Variants in SEMA3D observed in about 807,000 individuals in gnomAD.
The protein encoded by SEMA3D is semaphorin-3D.
A neutral mutation model predicts 100.1 loss-of-function variants in SEMA3D; 84 were observed. The ratio of observed to expected loss-of-function variants is 0.84; its 90% CI spans 0.70 to 1.01. The LOEUF is 1.01. SEMA3D is among the 50% of genes least tolerant of loss of function. The probability of loss-of-function intolerance (pLI) is 0.00; values close to 1 mark genes in which losing one functional copy is unlikely to be tolerated. For missense variants in SEMA3D, 875 were observed against 934.1 expected, an observed-to-expected ratio of 0.94 and a Z score of 0.82; for synonymous variants, 312 against 320.7, an observed-to-expected ratio of 0.97 and a Z score of 0.29.
intron 8 of SEMA3D, among the ~76,000 whole-genome samples, chr7:85,060,806 G>C (rs1400316667): frequency 6.6e-6 from 1 of 152,184 alleles, no homozygotes; most frequent in Non-Finnish European, 1.5e-5. Context: ...TGTGGAAGGA[G>C]AGTTTACAGA....
chr7:85,072,874 T>C (rs575831914), intron 6 of SEMA3D, 88 bp downstream of exon 6: 9 of 1,070,760 alleles, frequency 8.4e-6, no homozygotes, highest in African/African-American at 3.2e-5. Context: ...TCAGTCCTTA[T>C]ATTCAAATCT....
chr7:84,999,166 C>A lies in SEMA3D; in HGVS notation c.*274G>T. The A allele has an allele frequency of 7.0e-6, 3 of 427,518 alleles. No individual in the cohort carries two copies. Among genetic ancestry groups the A allele is most frequent in the South Asian group, 3.3e-5 (1 of 30,292 alleles). 26.5% of individuals were successfully genotyped at this position (427,518 alleles called of 1,614,324 possible). On this transcript the variant is annotated 3_prime_UTR_variant, in exon 19 of 19. Coordinates refer to ENST00000284136, the MANE Select transcript of SEMA3D (RefSeq NM_001384900.1). ...CAACTATTTACATGACAATAAATTC[C>A]AAAACTCAAAACATAAAACATTTAC...
chr7:85,185,530 G>T (rs1454431597), intron 1 of SEMA3D, among the ~76,000 whole-genome samples: 2 of 152,132 alleles, frequency 1.3e-5, no homozygotes, highest in Non-Finnish European at 2.9e-5. Flanking sequence ...TTACCGCTTC[G>T]CTCGAGGCGA....
the SEMA3D span, among the ~76,000 whole-genome samples, chr7:85,233,234 C>T: frequency 1.3e-5 from 2 of 149,238 alleles, no homozygotes; most frequent in South Asian, 4.2e-4. Flanking sequence ...CAACGGCTAG[C>T]GCGAATGAAA....
At position 85,121,467 on chromosome 7, in the gene SEMA3D, GA is replaced by G. The variant is rs1789411007; in HGVS notation, c.151+273del. Reference sequence around the variant, plus strand: ...TGTGTTAACATTTTTCTATTTTTAGGAATTTATTTGTTTTAACACCAAACTG... The same window carrying G: ...TGTGTTAACATTTTTCTATTTTTAGGATTTATTTGTTTTAACACCAAACTG... On this transcript the variant is annotated intron_variant, in intron 3 of 18. Coordinates refer to ENST00000284136, the MANE Select transcript of SEMA3D (RefSeq NM_001384900.1). 2.0e-5 allele frequency among the ~76,000 whole-genome samples: 3 copies of G among 152,116 alleles called. No individual in the cohort carries two copies. In the East Asian group the frequency reaches 5.8e-4, roughly 29 times the overall value.
chr7:85,131,748 A>G (rs1260880630), intron 2 of SEMA3D, among the ~76,000 whole-genome samples: 1 of 151,916 alleles, frequency 6.6e-6, no homozygotes, highest in Non-Finnish European at 1.5e-5. Context: ...CTTTGTATTG[A>G]ATCTTAACAG....
chr7:85,092,898 T>C (rs1186393838), intron 4 of SEMA3D, among the ~76,000 whole-genome samples: 1 of 151,968 alleles, frequency 6.6e-6, no homozygotes, highest in Non-Finnish European at 1.5e-5. Context: ...AGCAAAATAA[T>C]TATTTATGAG....
At chr7:85,147,170 T>A (rs755957404) in intron 2 of SEMA3D, among the ~76,000 whole-genome samples, 1 of 137,656 alleles carries the variant, frequency 7.3e-6, no homozygotes, top group African/African-American at 2.8e-5. Flanking sequence ...TGGCACAATC[T>A]TGGCTCACCG....
At chr7:85,191,339 A>T (rs1488138086), upstream of SEMA3D, among the ~76,000 whole-genome samples, 2 of 152,068 alleles carry the variant, frequency 1.3e-5, no homozygotes, top group Non-Finnish European at 2.9e-5. Context: ...TCAATAAACA[A>T]TCCCCAAGGA....
the SEMA3D span, among the ~76,000 whole-genome samples, chr7:85,232,172 A>C: frequency 6.6e-6 from 1 of 152,156 alleles, no homozygotes; most frequent in Non-Finnish European, 1.5e-5. Context: ...CTCAGAAATT[A>C]ACTGTCCCTC....
At chr7:85,220,066 G>C in the SEMA3D span, among the ~76,000 whole-genome samples, 2 of 151,952 alleles carry the variant, frequency 1.3e-5, no homozygotes, top group African/African-American at 4.8e-5. Context: ...ATGTTTGTTT[G>C]CTCCTAACTG....
chr7:85,205,589 G>A, the SEMA3D span, among the ~76,000 whole-genome samples: 1 of 151,844 alleles, frequency 6.6e-6, no homozygotes, highest in Non-Finnish European at 1.5e-5. Flanking sequence ...TTTAAGAAGT[G>A]TTCAGTCTCT....
the SEMA3D span, among the ~76,000 whole-genome samples, chr7:85,238,872 G>A: frequency 7.2e-5 from 11 of 151,966 alleles, no homozygotes; most frequent in African/African-American, 2.4e-4. Context: ...TTTCATCAGA[G>A]TTTTGTAGTT....
chr7:85,041,693 G>C (rs998502841), intron 10 of SEMA3D: 1 of 153,126 alleles, frequency 6.5e-6, no homozygotes, highest in African/African-American at 2.4e-5. Context: ...TTTTGAGGGA[G>C]TGAAGAGGAG....
intron 12 of SEMA3D, among the ~76,000 whole-genome samples, chr7:85,030,943 G>T (rs911814641): frequency 1.3e-4 from 19 of 144,642 alleles, no homozygotes; most frequent in African/African-American, 4.1e-4. Flanking sequence ...GGGCAATAAT[G>T]ATTGAAAAAA....
the SEMA3D span, among the ~76,000 whole-genome samples, chr7:85,247,312 C>T: frequency 6.6e-6 from 1 of 151,902 alleles, no homozygotes; most frequent in Non-Finnish European, 1.5e-5. Flanking sequence ...AGATTGCTGT[C>T]TCATTATATA....
chr7:85,186,359 G>C (rs1368022975), intron 1 of SEMA3D, among the ~76,000 whole-genome samples: 1 of 152,184 alleles, frequency 6.6e-6, no homozygotes, highest in African/African-American at 2.4e-5. Context: ...GTTCCTGGAC[G>C]CGTCTCAGGA....
intron 1 of SEMA3D, chr7:85,157,685 C>G (rs1034252794): frequency 1.0e-6 from 1 of 979,730 alleles, no homozygotes; most frequent in Non-Finnish European, 1.2e-6. Context: ...CAAAACAAAA[C>G]AAGCCAACAA....
intron 3 of SEMA3D, among the ~76,000 whole-genome samples, chr7:85,117,523 A>C (rs1249250381): frequency 6.6e-6 from 1 of 152,166 alleles, no homozygotes; most frequent in African/African-American, 2.4e-5. Flanking sequence ...TCACTCCTAT[A>C]AGCCCAGCAT....
Sources: gnomAD v4.1 joint callset for allele counts (sites outside exome capture counted in the v4.1 genomes callset) on GRCh38, gnomAD v4.1.1 for gene constraint, MANE v1.5 for transcripts, NCBI Gene and HGNC (gene_info 2026-07-23, HGNC 2026-07-21) for gene names.